Variants in KDM6A observed in about 807,000 individuals in gnomAD.
KDM6A encodes lysine-specific demethylase 6A.
KDM6A carries 11 observed loss-of-function variants against 117.6 expected under a neutral mutation model. That is an observed-to-expected ratio of 0.09 (90% CI 0.06 to 0.15). The LOEUF (loss-of-function observed/expected upper bound fraction) is 0.15, where lower values mean the gene tolerates loss of function less well. Among genes scored for constraint, KDM6A ranks in the 10% least tolerant of loss-of-function variants. The pLI, the probability that KDM6A is intolerant of heterozygous loss-of-function variation, is 1.00. For synonymous variants in KDM6A, 384 were observed against 396.1 expected (o/e 0.97, Z 0.36); for missense variants, 799 against 1,077.3 (o/e 0.74, Z 3.62).
chrX:44,983,936 TGGCTG>T (rs778457943), intron 4 of KDM6A, among the ~76,000 whole-genome samples: 97 of 109,963 alleles, frequency 8.8e-4, no homozygotes, highest in African/African-American at 3.0e-3. Flanking sequence ...AGTAATGGGA[TGGCTG>T]GGTCAAATGG....
chrX:45,010,575 A>C (rs1338073188), intron 4 of KDM6A, among the ~76,000 whole-genome samples: 2 of 111,747 alleles, frequency 1.8e-5, no homozygotes, highest in African/African-American at 6.5e-5. Flanking sequence ...TTGAATTCTA[A>C]CTACCTTCCT....
chrX:44,936,539 A>G (rs1482812321), intron 2 of KDM6A, among the ~76,000 whole-genome samples: 1 of 111,621 alleles, frequency 9.0e-6, no homozygotes, highest in Non-Finnish European at 1.9e-5. Flanking sequence ...CTGACTCTAG[A>G]TTTATTTCAT....
chrX:44,878,078 C>CAT (rs1200427874), intron 2 of KDM6A, among the ~76,000 whole-genome samples: 1 of 111,491 alleles, frequency 9.0e-6, no homozygotes, highest in Non-Finnish European at 1.9e-5. Context: ...CACTTAAAGG[C>CAT]ATACAGGTTG....
intron 2 of KDM6A, among the ~76,000 whole-genome samples, chrX:44,890,147 G>A (rs1457787658): frequency 8.9e-6 from 1 of 112,170 alleles, no homozygotes; most frequent in African/African-American, 3.2e-5. Context: ...TGTCATTTCA[G>A]GAATGTTATA....
chrX:44,884,956 C>T (rs1241052491), intron 2 of KDM6A, among the ~76,000 whole-genome samples: 1 of 111,353 alleles, frequency 9.0e-6, no homozygotes, highest in African/African-American at 3.3e-5. Flanking sequence ...TGTCACTTAC[C>T]ACTACCCATG....
chrX:44,942,969 T>C (rs943005767), intron 2 of KDM6A, among the ~76,000 whole-genome samples: 2 of 111,490 alleles, frequency 1.8e-5, no homozygotes, highest in Admixed American at 1.9e-4. Context: ...CACTATGTCA[T>C]GTGTAGAATG....
At position 44,982,120 on chromosome X, in the gene KDM6A, AAAAG is replaced by A. The variant is rs201178802; in HGVS notation, c.384+7413_384+7416del. ...TCTTATTTTTTTTTTCCACTTTAAG[AAAAG>A]AAAGAAAAGGTTTTGAATTCTGGAA... On this transcript the variant is annotated intron_variant, in intron 4 of 29. Transcript: ENST00000611820. Among the ~76,000 whole-genome samples the A allele has an allele frequency of 2.0e-3, 222 of 111,658 alleles. 2 individuals are homozygous for A. The highest frequency in any genetic ancestry group is 0.019 in the Admixed American group (197 of 10,468).
intron 6 of KDM6A, among the ~76,000 whole-genome samples, chrX:45,033,752 T>A (rs756310893): frequency 9.1e-6 from 1 of 109,666 alleles, no homozygotes; most frequent in Non-Finnish European, 1.9e-5. Context: ...GGGGTTTCAG[T>A]ATATTGGTCA....
chrX:44,981,263 C>A (rs1189886219), intron 4 of KDM6A, among the ~76,000 whole-genome samples: 1 of 112,237 alleles, frequency 8.9e-6, no homozygotes, highest in Admixed American at 9.4e-5. Flanking sequence ...GCCTCCGGAA[C>A]TTTTGAATGA....
At chrX:44,990,513 G>A (rs973463361) in intron 4 of KDM6A, among the ~76,000 whole-genome samples, 5 of 108,854 alleles carry the variant, frequency 4.6e-5, no homozygotes, top group Non-Finnish European at 9.5e-5. Flanking sequence ...TTGCGCCGTT[G>A]CACTCCAGCT....
At chrX:44,875,653 CATG>C (rs1258428275) in intron 2 of KDM6A, among the ~76,000 whole-genome samples, 2 of 107,836 alleles carry the variant, frequency 1.9e-5, no homozygotes, top group Non-Finnish European at 3.8e-5. Context: ...AAAGATTAAA[CATG>C]ATTTAAATTA....
chrX:44,985,412 G>T (rs1384684741), intron 4 of KDM6A, among the ~76,000 whole-genome samples: 1 of 111,137 alleles, frequency 9.0e-6, no homozygotes, highest in Non-Finnish European at 1.9e-5. Flanking sequence ...TCCTTCTCCT[G>T]CCTGATTGCC....
At chrX:44,951,513 T>G (rs1354654434) in intron 2 of KDM6A, among the ~76,000 whole-genome samples, 2 of 111,794 alleles carry the variant, frequency 1.8e-5, no homozygotes, top group Admixed American at 1.9e-4. Context: ...TTACTTTTGT[T>G]TTGGATATGT....
intron 18 of KDM6A, among the ~76,000 whole-genome samples, chrX:45,071,703 T>G (rs774438254): frequency 9.0e-6 from 1 of 110,947 alleles, no homozygotes; most frequent in African/African-American, 3.3e-5. Flanking sequence ...TTAAAGAGTT[T>G]GAGTGTTAAA....
chrX:45,067,317 A>G lies in KDM6A; in HGVS notation c.2080-2262A>G, dbSNP rs188206187. On this transcript the variant is annotated intron_variant, in intron 17 of 29. Transcript: ENST00000611820. ...TCAGCAAGTACTCTAAAGAATTTGT[A>G]GCTTAAAATACCTTGATTTGCAGAT... Among the ~76,000 whole-genome samples, 10 of 112,005 alleles carry G rather than the reference A, an allele frequency of 8.9e-5. No homozygotes were observed. The East Asian group carries it at 2.8e-3, about 31-fold the overall frequency.
intron 3 of KDM6A, among the ~76,000 whole-genome samples, chrX:44,969,439 A>G (rs1283240325): frequency 7.1e-5 from 4 of 56,151 alleles, no homozygotes; most frequent in Non-Finnish European, 1.2e-4. Context: ...TTTTTTTGAG[A>G]TGGAGTCTTG....
At chrX:44,962,950 G>A (rs2038756237) in intron 3 of KDM6A, among the ~76,000 whole-genome samples, 1 of 111,429 alleles carries the variant, frequency 9.0e-6, no homozygotes, top group African/African-American at 3.3e-5. Context: ...ATTGAACTTT[G>A]TCGCATCAGT....
At chrX:44,923,523 G>T (rs2036105181) in intron 2 of KDM6A, among the ~76,000 whole-genome samples, 1 of 63,974 alleles carries the variant, frequency 1.6e-5, no homozygotes, top group Non-Finnish European at 3.1e-5. Context: ...CTTTTGCAGT[G>T]TCTAATCTTC....
intron 4 of KDM6A, among the ~76,000 whole-genome samples, chrX:44,980,221 C>T (rs2039830004): frequency 9.0e-6 from 1 of 110,866 alleles, no homozygotes; most frequent in Non-Finnish European, 1.9e-5. Flanking sequence ...GTCTCGATCT[C>T]CTGGCCTCGT....
Sources: allele counts gnomAD v4.1 joint callset (sites outside exome capture counted in the v4.1 genomes callset), GRCh38; gene constraint gnomAD v4.1.1; transcripts MANE v1.5; gene names NCBI Gene and HGNC (gene_info 2026-07-23, HGNC 2026-07-21).